The following KIFC3 variants were observed in gnomAD, a reference collection of about 807,000 sequenced individuals.
KIFC3 encodes the protein kinesin family member C3, also known as kinesin-like protein KIFC3.
A neutral mutation model predicts 101.8 loss-of-function variants in KIFC3; 60 were observed. That is an observed-to-expected ratio of 0.59 (90% CI 0.48 to 0.73). The LOEUF (loss-of-function observed/expected upper bound fraction) is 0.73. Among genes scored for constraint, KIFC3 ranks in the 30% least tolerant of loss-of-function variants. The pLI is 0.00. For missense variants in KIFC3, 966 were observed against 1,137.1 expected, an observed-to-expected ratio of 0.85 and a Z score of 2.16; for synonymous variants, 476 against 482.7, an observed-to-expected ratio of 0.99 and a Z score of 0.18.
At chr16:57,776,525 G>A (rs117834912) in intron 3 of KIFC3, 7,239 of 477,464 alleles carry the variant, frequency 0.015, 80 homozygotes, top group Non-Finnish European at 0.017. Context: ...AGTTCTCTAT[G>A]TCTCTTAGTT....
intron 11 of KIFC3, 119 bp from the exon 12 acceptor site, chr16:57,764,366 T>TA: frequency 1.6e-6 from 1 of 636,076 alleles, no homozygotes; most frequent in Non-Finnish European, 2.8e-6. Context: ...CATCACGTGT[T>TA]ACTGCAGTCA....
chr16:57,851,571 T>C (rs2056059042), intron 1 of KIFC3, among the ~76,000 whole-genome samples: 1 of 32,670 alleles, frequency 3.1e-5, no homozygotes, highest in Non-Finnish European at 9.8e-5. Flanking sequence ...TCGTTCATTC[T>C]TTTTTTTTTT....
At chr16:57,777,496 G>C (rs542563547) in intron 3 of KIFC3, among the ~76,000 whole-genome samples, 16 of 152,262 alleles carry the variant, frequency 1.1e-4, no homozygotes, top group Non-Finnish European at 2.1e-4. Context: ...CGAGGCAGGC[G>C]GATCACCTGA....
At position 57,760,326 on chromosome 16, in the gene KIFC3, G is replaced by A. The variant is rs1000625098; in HGVS notation, c.2323C>T (p.Arg775Cys). ...VRSVELGPGLRRAELGSWSSQ... is the reference protein window; with the variant it reads ...VRSVELGPGLCRAELGSWSSQ... The stretch of plus-strand genomic sequence containing the variant: ...GACCAGGACCCAAGCTCTGCCCTGC[G>A]TAGCCCAGGCCCCAGCTCCACAGAG... Residue 775 changes from arginine to cysteine, a missense_variant, in exon 17 of 20, where the codon CGC becomes TGC. Transcript: ENST00000445690. 1.4e-5 allele frequency: 22 copies of A among 1,613,862 alleles called. No homozygotes were observed. The highest frequency in any genetic ancestry group is 2.2e-5 in the South Asian group (2 of 91,080).
chr16:57,801,288 C>T lies in KIFC3; in HGVS notation c.-40+1082G>A, dbSNP rs1598168689. 2.6e-5 allele frequency among the ~76,000 whole-genome samples: 4 copies of T among 152,258 alleles called. 1 individual carries two copies. Among genetic ancestry groups the T allele is most frequent in the Admixed American group, 2.6e-4 (4 of 15,298 alleles). On this transcript the variant is annotated intron_variant, in intron 1 of 19. Coordinates refer to ENST00000445690, the MANE Select transcript of KIFC3 (RefSeq NM_001130100.2). ...GAGACTGCAGCAAGCAGGGCTTGGT[C>T]GCCCTGGGAGAGCAGGCAGAAGGTC...
chr16:57,827,647 C>A (rs1568091814), intron 1 of KIFC3, among the ~76,000 whole-genome samples: 1 of 152,186 alleles, frequency 6.6e-6, no homozygotes, highest in East Asian at 1.9e-4. Flanking sequence ...AGAAGTCACC[C>A]CCTTGGGCTT....
chr16:57,837,542 A>G (rs1036037205), intron 1 of KIFC3, among the ~76,000 whole-genome samples: 13 of 118,502 alleles, frequency 1.1e-4, no homozygotes, highest in East Asian at 5.0e-4. Context: ...AAAGAAAGAG[A>G]AAGGAAGGAA....
chr16:57,828,517 G>A (rs910456056), intron 1 of KIFC3, among the ~76,000 whole-genome samples: 2 of 152,234 alleles, frequency 1.3e-5, no homozygotes, highest in Non-Finnish European at 2.9e-5. Flanking sequence ...TCATCTACCT[G>A]AGGGTGGCAC....
At chr16:57,776,206 C>G in intron 3 of KIFC3, 1 of 985,532 alleles carries the variant, frequency 1.0e-6, no homozygotes, top group Non-Finnish European at 1.2e-6. Context: ...AGCTGCTGAG[C>G]TGGGAAGGCC....
intron 1 of KIFC3, among the ~76,000 whole-genome samples, chr16:57,812,979 C>T (rs1407855354): frequency 1.3e-5 from 2 of 152,108 alleles, no homozygotes; most frequent in Admixed American, 1.3e-4. Flanking sequence ...CTAAACTGGC[C>T]AATAAGAGGC....
chr16:57,795,889 T>TTTTG (rs1555622675), intron 2 of KIFC3, among the ~76,000 whole-genome samples: 4 of 81,536 alleles, frequency 4.9e-5, no homozygotes, highest in Admixed American at 1.2e-4. Context: ...TTTTTGTTTT[T>TTTTG]TTTTTTTTTT....
intron 13 of KIFC3, 75 bp from the exon 14 acceptor site, chr16:57,761,611 C>G (rs2049865054): frequency 1.3e-6 from 2 of 1,545,842 alleles, no homozygotes; most frequent in African/African-American, 2.7e-5. Context: ...AGCCCCCCAG[C>G]CAGGAATGTT....
At chr16:57,815,709 T>C in intron 1 of KIFC3, 1 of 1,222,680 alleles carries the variant, frequency 8.2e-7, no homozygotes, top group Non-Finnish European at 1.1e-6. Flanking sequence ...GGAGCAAATA[T>C]CTGTCTACTC....
At position 57,758,527 on chromosome 16, in the gene KIFC3, T is replaced by G. The variant is rs1555590623; in HGVS notation, c.*407A>C. The G allele has an allele frequency of 7.3e-6, 4 of 547,476 alleles. No individual in the cohort carries two copies. In the African/African-American group the frequency reaches 7.5e-5, roughly 10 times the overall value. The allele number at this position is 547,476 out of a possible 1,614,324, so 33.9% of individuals were successfully genotyped here. A position where few individuals can be genotyped will look rare whatever the true frequency, so the allele number is the denominator to read the frequency against. On this transcript the variant is annotated 3_prime_UTR_variant, in exon 20 of 20. Coordinates refer to ENST00000445690, the MANE Select transcript of KIFC3 (RefSeq NM_001130100.2). ...ATGGTTCTTGGGTCTGCCCAGAGGC[T>G]CCTCGCCCACCCCCTAAGGAGGGGG...
chr16:57,786,755 C>G (rs1358774758), intron 3 of KIFC3, among the ~76,000 whole-genome samples: 1 of 152,180 alleles, frequency 6.6e-6, no homozygotes, highest in Admixed American at 6.5e-5. Flanking sequence ...AAGCCACTTG[C>G]ACCTGAAGTC....
chr16:57,781,791 A>G (rs1208269814), intron 3 of KIFC3: 1 of 242,012 alleles, frequency 4.1e-6, no homozygotes, highest in African/African-American at 2.3e-5. Context: ...ATTTTACAGG[A>G]AGAAAAACTG....
chr16:57,790,719 C>T (rs563270395), intron 3 of KIFC3, among the ~76,000 whole-genome samples: 1 of 152,330 alleles, frequency 6.6e-6, no homozygotes, highest in Admixed American at 6.5e-5. Flanking sequence ...CCAGAAGGTG[C>T]CTGGCACATA....
intron 1 of KIFC3, among the ~76,000 whole-genome samples, chr16:57,818,569 C>T (rs1471447654): frequency 6.6e-6 from 1 of 152,016 alleles, no homozygotes; most frequent in Non-Finnish European, 1.5e-5. Flanking sequence ...ACTATGTTGC[C>T]CAGTCTGGTC....
At position 57,764,588 on chromosome 16, in the gene KIFC3, A is replaced by T. The variant is rs148827622; in HGVS notation, c.1513-341T>A. Among the ~76,000 whole-genome samples, 559 of 152,370 alleles carry T rather than the reference A, an allele frequency of 3.7e-3. 2 individuals carry two copies. Among genetic ancestry groups the T allele is most frequent in the Middle Eastern group, 0.01 (3 of 294 alleles). ...CCTGGGCCTGCCTGCCAGCCATCAG[A>T]GGATGGGGGCAAAGATAGAACCAGA... On this transcript the variant is annotated intron_variant, in intron 11 of 19. Transcript: ENST00000445690.
Sources: gnomAD v4.1 joint callset for allele counts (sites outside exome capture counted in the v4.1 genomes callset) on GRCh38, gnomAD v4.1.1 for gene constraint, MANE v1.5 for transcripts, NCBI Gene and HGNC (gene_info 2026-07-23, HGNC 2026-07-21) for gene names.